SLC37A1: variants seen among roughly 807,000 people sequenced by gnomAD.
SLC37A1 encodes solute carrier family 37 member 1.
In SLC37A1, 49 loss-of-function variants were observed where a neutral mutation model predicts 75.3. The ratio of observed to expected loss-of-function variants is 0.65; its 90% CI spans 0.52 to 0.83. The LOEUF is 0.83. Ranked by LOEUF, SLC37A1 falls within the 40% of genes least tolerant of loss-of-function variation. The probability of loss-of-function intolerance (pLI) is 0.00; values close to 1 mark genes in which losing one functional copy is unlikely to be tolerated. For missense variants in SLC37A1, 566 were observed against 695.0 expected, an observed-to-expected ratio of 0.81 and a Z score of 2.09; for synonymous variants, 268 against 292.1, an observed-to-expected ratio of 0.92 and a Z score of 0.84.
At chr21:42,559,182 C>G in intron 11 of SLC37A1, 93 bp downstream of exon 11, 1 of 1,480,896 alleles carries the variant, frequency 6.8e-7, no homozygotes, top group Non-Finnish European at 9.0e-7. Flanking sequence ...AAAAAGACAT[C>G]TGTGGTTGTA....
In SLC37A1 at chr21:42,545,475, G is replaced by A. The variant is rs1042736488; in HGVS notation, c.731-1628G>A. ...AAGGCATCAGATGTGCCATTCTTGC[G>A]GTCAACAGAGGATGTGGCTTTCTCT... On this transcript the variant is annotated intron_variant, in intron 8 of 19. Transcript: ENST00000352133. This position sits in a 1 kb window ranked among gnomAD's most constrained non-coding sequence, Gnocchi z 4.0. Among the ~76,000 whole-genome samples, 3 of 152,116 alleles carry A rather than the reference G, an allele frequency of 2.0e-5. No individual in the cohort carries two copies. Among genetic ancestry groups the A allele is most frequent in the Admixed American group, 6.5e-5 (1 of 15,274 alleles).
chr21:42,562,260 C>G, intron 12 of SLC37A1, 92 bp downstream of exon 12: 6 of 1,151,448 alleles, frequency 5.2e-6, no homozygotes, highest in Non-Finnish European at 6.5e-6. Context: ...ATTGAAAACA[C>G]AAGGTCATGA....
intron 8 of SLC37A1, among the ~76,000 whole-genome samples, chr21:42,544,127 A>G (rs2055351151): frequency 6.6e-6 from 1 of 152,228 alleles, no homozygotes; most frequent in South Asian, 2.1e-4. Context: ...TGAAGTAGAG[A>G]TCCAGCAGGC....
chr21:42,562,346 T>A lies in SLC37A1; in HGVS notation c.1072+178T>A, dbSNP rs1364175684. 2.0e-5 allele frequency among the ~76,000 whole-genome samples: 3 copies of A among 152,220 alleles called. No individual in the cohort carries two copies. The East Asian group carries it at 5.8e-4, about 29-fold the overall frequency. On this transcript the variant is annotated intron_variant, in intron 12 of 19. Coordinates refer to ENST00000352133, the MANE Select transcript of SLC37A1 (RefSeq NM_001320537.2). ...GGCTAAAAGAATTCAGATATGCACA[T>A]TGTATTGCCATAATGGTAAACTTTA...
In SLC37A1 at chr21:42,534,195, C is replaced by T. The variant is rs184628031; in HGVS notation, c.139-503C>T. On this transcript the variant is annotated intron_variant, in intron 3 of 19. Coordinates refer to ENST00000352133, the MANE Select transcript of SLC37A1 (RefSeq NM_001320537.2). Reference sequence around the variant, plus strand: ...GCTTGGACTTCCTATGAGTGGAATGCTGCAGTCTGTACTCTTTCATGTCTG... The same window carrying T: ...GCTTGGACTTCCTATGAGTGGAATGTTGCAGTCTGTACTCTTTCATGTCTG... Among the ~76,000 whole-genome samples, 12 of 152,306 alleles carry T rather than the reference C, an allele frequency of 7.9e-5. No individual in the cohort carries two copies. The East Asian group carries it at 1.9e-3, about 25-fold the overall frequency.
intron 3 of SLC37A1, 101 bp from the exon 4 acceptor site, chr21:42,534,597 G>A: frequency 6.9e-7 from 1 of 1,439,690 alleles, no homozygotes; most frequent in Non-Finnish European, 9.3e-7. Context: ...CCCTGGGCAG[G>A]CTGCTGGGAG....
At chr21:42,556,241 T>C (rs1286224465) in intron 10 of SLC37A1, among the ~76,000 whole-genome samples, 2 of 152,218 alleles carry the variant, frequency 1.3e-5, no homozygotes, top group Non-Finnish European at 2.9e-5. Flanking sequence ...TTGCCATCCC[T>C]GTAGTCACTT....
chr21:42,565,882 A>G lies in SLC37A1; in HGVS notation c.1270+7A>G, dbSNP rs777827918. On this transcript the variant is annotated splice_region_variant and intron_variant, in intron 15 of 19. Transcript: ENST00000352133. ...GGGCTTGAGGCCACCATCGGTGAGT[A>G]TGGAGGCCTTCCTGCTTTTCTTCCA... The G allele has an allele frequency of 4.3e-6, 7 of 1,613,318 alleles. No individual in the cohort carries two copies. The highest frequency in any genetic ancestry group is 2.2e-5 in the South Asian group (2 of 90,996).
At chr21:42,511,309 C>A (rs188327323), upstream of SLC37A1, among the ~76,000 whole-genome samples, 1 of 152,046 alleles carries the variant, frequency 6.6e-6, no homozygotes, top group African/African-American at 2.4e-5. Context: ...AAACAACATA[C>A]CAAAACGTAT....
chr21:42,559,903 C>T (rs908245434), intron 11 of SLC37A1, among the ~76,000 whole-genome samples: 7 of 147,600 alleles, frequency 4.7e-5, no homozygotes, highest in African/African-American at 1.7e-4. Context: ...CAAAAAGTGC[C>T]TTCAGTGCCA....
At chr21:42,507,854 G>C (rs181292309) in intron 2 of SLC37A1, among the ~76,000 whole-genome samples, 9 of 152,130 alleles carry the variant, frequency 5.9e-5, no homozygotes, top group Non-Finnish European at 8.8e-5. Flanking sequence ...GATCTCCCCC[G>C]ATGACCCAGA....
chr21:42,568,299 G>A (rs1418614854), intron 16 of SLC37A1, 61 bp from the exon 17 acceptor site: 1 of 1,355,480 alleles, frequency 7.4e-7, no homozygotes, highest in Admixed American at 1.8e-5. Context: ...GTCATACAGA[G>A]GCTTAGGTTT....
In SLC37A1 at chr21:42,559,005, C is replaced by G. The variant is rs762431516; in HGVS notation, c.897C>G (p.Ile299Met). 2 of 1,613,876 alleles carry G rather than the reference C, an allele frequency of 1.2e-6. No homozygotes were observed. The highest frequency in any genetic ancestry group is 1.1e-5 in the South Asian group (1 of 91,028). ...TGCTCTCAGATGGGAAGGGCTCCATCCACCCGAACCACGTCGTCATTCTCC... is the reference window on the plus strand; with the variant it reads ...TGCTCTCAGATGGGAAGGGCTCCATGCACCCGAACCACGTCGTCATTCTCC... Reference protein sequence around the residue: ...CLLLSDGKGSIHPNHVVILPG... With the variant: ...CLLLSDGKGSMHPNHVVILPG... The change falls in exon 11 of 20, where the codon ATC (isoleucine) becomes ATG (methionine). Residue 299 changes from isoleucine (I) to methionine (M), a missense_variant. Transcript: ENST00000352133.
chr21:42,566,949 G>T lies in SLC37A1; in HGVS notation c.1271-36G>T, dbSNP rs760161351. On this transcript the variant is annotated intron_variant, in intron 15 of 19. Transcript: ENST00000352133. ...CTATGCATGCGGGGCTCTCTGGAGG[G>T]CACATTTCCATTCTTTGCCCCTCTG... is the stretch of plus-strand genomic sequence containing the variant. The T allele has an allele frequency of 3.1e-6, 5 of 1,592,150 alleles. No homozygotes were observed. In the East Asian group the frequency reaches 1.1e-4, roughly 36 times the overall value.
upstream of SLC37A1, among the ~76,000 whole-genome samples, chr21:42,512,223 T>A (rs895606580): frequency 1.2e-5 from 1 of 80,994 alleles, no homozygotes; most frequent in African/African-American, 5.0e-5. Context: ...TACAACTGGG[T>A]GGGGGGGAGG....
At chr21:42,523,438 A>G (rs1362248968) in intron 2 of SLC37A1, among the ~76,000 whole-genome samples, 1 of 152,250 alleles carries the variant, frequency 6.6e-6, no homozygotes, top group Non-Finnish European at 1.5e-5. Context: ...GGTGAAGCCC[A>G]GTGGCCTGGA....
At chr21:42,575,027 G>T (rs1221055264) in intron 18 of SLC37A1, 112 bp downstream of exon 18, 3 of 1,500,174 alleles carry the variant, frequency 2.0e-6, no homozygotes, top group Non-Finnish European at 2.7e-6. Flanking sequence ...GAGAGGTTTG[G>T]GTCTTCCCAT....
At chr21:42,502,877 T>C (rs748320507) in intron 2 of SLC37A1, 1 of 152,194 alleles carries the variant, frequency 6.6e-6, no homozygotes, top group Non-Finnish European at 1.5e-5. Context: ...CTCCAATTAT[T>C]AAATATTACT....
intron 11 of SLC37A1, among the ~76,000 whole-genome samples, chr21:42,559,489 T>C (rs2055772402): frequency 6.6e-6 from 1 of 152,194 alleles, no homozygotes; most frequent in African/African-American, 2.4e-5. Context: ...GCACTTGCCC[T>C]CCCACAGGCC....
Sources: allele counts gnomAD v4.1 joint callset (sites outside exome capture counted in the v4.1 genomes callset), GRCh38; gene constraint gnomAD v4.1.1; non-coding constraint Gnocchi (gnomAD v3.1); transcripts MANE v1.5; gene names NCBI Gene and HGNC (gene_info 2026-07-23, HGNC 2026-07-21).